The following DPYD variants were observed in gnomAD, a reference collection of about 807,000 sequenced individuals.
DPYD encodes dihydropyrimidine dehydrogenase, also known as dihydropyrimidine dehydrogenase [NADP(+)].
DPYD carries 109 observed loss-of-function variants against 116.2 expected under a neutral mutation model. The ratio of observed to expected loss-of-function variants is 0.94; its 90% confidence interval spans 0.80 to 1.10. The LOEUF (loss-of-function observed/expected upper bound fraction) is 1.10. Among genes scored for constraint, DPYD ranks in the 50% least tolerant of loss-of-function variants. DPYD has a pLI of 0.00. For missense variants in DPYD, 1,302 were observed against 1,254.5 expected, an observed-to-expected ratio of 1.04 and a Z score of -0.57; for synonymous variants, 440 against 432.0, an observed-to-expected ratio of 1.02 and a Z score of -0.23.
intron 13 of DPYD, among the ~76,000 whole-genome samples, chr1:97,484,949 T>C (rs1267518500): frequency 6.6e-6 from 1 of 152,226 alleles, no homozygotes. Flanking sequence ...TGTCTTTATG[T>C]CAAGGAATTT....
intron 16 of DPYD, among the ~76,000 whole-genome samples, chr1:97,333,810 G>A (rs1006498184): frequency 2.6e-5 from 4 of 152,010 alleles, no homozygotes; most frequent in South Asian, 2.1e-4. Context: ...ATGAGCCACC[G>A]CACCCAGCTG....
intron 1 of DPYD, among the ~76,000 whole-genome samples, chr1:97,897,561 T>TTC (rs879402997): frequency 6.6e-6 from 1 of 151,912 alleles, no homozygotes; most frequent in Non-Finnish European, 1.5e-5. Flanking sequence ...TTTCATTTTT[T>TTC]TCTCTCTCTG....
intron 10 of DPYD, among the ~76,000 whole-genome samples, chr1:97,590,598 T>C (rs1430450793): frequency 1.3e-5 from 2 of 152,206 alleles, no homozygotes; most frequent in African/African-American, 4.8e-5. Flanking sequence ...ATCTAACATT[T>C]GTTCTTCTAG....
chr1:97,129,203 A>G (rs2101662659), intron 20 of DPYD, among the ~76,000 whole-genome samples: 1 of 152,020 alleles, frequency 6.6e-6, no homozygotes, highest in South Asian at 2.1e-4. Flanking sequence ...AGCTGGGACT[A>G]CAGGCACGTG....
At chr1:97,746,821 G>C (rs1664585473) in intron 3 of DPYD, among the ~76,000 whole-genome samples, 1 of 151,850 alleles carries the variant, frequency 6.6e-6, no homozygotes, top group South Asian at 2.1e-4. Flanking sequence ...TCACTTATTG[G>C]AAATATAAAC....
intron 2 of DPYD, among the ~76,000 whole-genome samples, chr1:97,871,104 C>T (rs1302000515): frequency 1.3e-5 from 2 of 151,834 alleles, no homozygotes; most frequent in African/African-American, 4.8e-5. Flanking sequence ...TTCTTATTTG[C>T]AAATACAGTA....
chr1:97,121,472 C>T (rs538874944), intron 20 of DPYD, among the ~76,000 whole-genome samples: 7 of 152,222 alleles, frequency 4.6e-5, no homozygotes, highest in African/African-American at 1.7e-4. Context: ...ACTAAATAAT[C>T]CTCAGGGTAT....
At chr1:97,129,838 G>T (rs561724506) in intron 20 of DPYD, among the ~76,000 whole-genome samples, 1 of 152,244 alleles carries the variant, frequency 6.6e-6, no homozygotes, top group South Asian at 2.1e-4. Context: ...ACTGTAAACT[G>T]CATCTTCATG....
At chr1:97,810,475 C>T (rs1668301173) in intron 3 of DPYD, among the ~76,000 whole-genome samples, 1 of 151,862 alleles carries the variant, frequency 6.6e-6, no homozygotes, top group Non-Finnish European at 1.5e-5. Context: ...GTCAAATAAA[C>T]CTGCAAAGAA....
At position 97,632,912 on chromosome 1, in the gene DPYD, T is replaced by C. The variant is rs1657354721; in HGVS notation, c.851-37746A>G. On this transcript the variant is annotated intron_variant, in intron 8 of 22. Transcript: ENST00000370192. ...TGCTGGTCAATCTTAGATTGGTCTT[T>C]AGAGCCTAAAGATAGAGCCAACATT... Among the ~76,000 whole-genome samples, 6 of 152,210 alleles carry C rather than the reference T, an allele frequency of 3.9e-5. No homozygotes were observed. In the South Asian group the frequency reaches 1.2e-3, roughly 32 times the overall value.
At chr1:97,281,262 A>G (rs1239697241) in intron 18 of DPYD, among the ~76,000 whole-genome samples, 1 of 151,936 alleles carries the variant, frequency 6.6e-6, no homozygotes, top group Non-Finnish European at 1.5e-5. Context: ...GAATTTCCAG[A>G]CCTAAAAATA....
At chr1:97,181,210 T>C (rs996626293) in intron 20 of DPYD, among the ~76,000 whole-genome samples, 1 of 152,132 alleles carries the variant, frequency 6.6e-6, no homozygotes, top group Non-Finnish European at 1.5e-5. Context: ...AGAGTTGCCT[T>C]GTAAAATGAA....
intron 4 of DPYD, among the ~76,000 whole-genome samples, chr1:97,728,891 GTAGATA>G (rs1405413184): frequency 1.3e-5 from 2 of 151,878 alleles, no homozygotes; most frequent in East Asian, 3.9e-4. Context: ...AAAGAAGAAT[GTAGATA>G]TATTGTGAAC....
intron 18 of DPYD, among the ~76,000 whole-genome samples, chr1:97,283,344 T>G (rs1665452916): frequency 6.6e-6 from 1 of 152,134 alleles, no homozygotes; most frequent in Non-Finnish European, 1.5e-5. Flanking sequence ...CTACTGGTTC[T>G]TGTGCCAGAA....
intron 3 of DPYD, among the ~76,000 whole-genome samples, chr1:97,779,707 G>A (rs1666625724): frequency 6.6e-6 from 1 of 151,834 alleles, no homozygotes; most frequent in South Asian, 2.1e-4. Flanking sequence ...AGAAATCATG[G>A]CGTGCATTTT....
At chr1:97,367,199 A>G (rs913784211) in intron 16 of DPYD, among the ~76,000 whole-genome samples, 2 of 152,050 alleles carry the variant, frequency 1.3e-5, no homozygotes, top group African/African-American at 4.8e-5. Context: ...CTTTCTGGCA[A>G]GGGTAAGAGT....
At chr1:97,504,515 T>C (rs1308772021) in intron 13 of DPYD, among the ~76,000 whole-genome samples, 1 of 151,960 alleles carries the variant, frequency 6.6e-6, no homozygotes, top group Non-Finnish European at 1.5e-5. Flanking sequence ...AATAGCTTCC[T>C]AGGAGTTTCC....
At chr1:97,353,303 T>C (rs1670244675) in intron 16 of DPYD, among the ~76,000 whole-genome samples, 1 of 152,016 alleles carries the variant, frequency 6.6e-6, no homozygotes, top group Admixed American at 6.6e-5. Flanking sequence ...TGATCTACCA[T>C]TTGTAGAGGG....
intron 17 of DPYD, 91 bp downstream of exon 17, chr1:97,306,086 A>G (rs1294921927): frequency 6.3e-6 from 10 of 1,594,514 alleles, no homozygotes; most frequent in Non-Finnish European, 8.6e-6. Context: ...AAATATGCAC[A>G]TGTTTGTAGG....
Sources: allele counts gnomAD v4.1 joint callset (sites outside exome capture counted in the v4.1 genomes callset), GRCh38; gene constraint gnomAD v4.1.1; transcripts MANE v1.5; gene names NCBI Gene and HGNC (gene_info 2026-07-23, HGNC 2026-07-21).